The following DPP6 variants were observed in gnomAD, a reference collection of about 807,000 sequenced individuals.
DPP6 encodes the protein dipeptidyl peptidase like 6, also known as A-type potassium channel modulatory protein DPP6.
A neutral mutation model predicts 122.6 loss-of-function variants in DPP6; 69 were observed. The ratio of observed to expected loss-of-function variants is 0.56; its 90% CI spans 0.46 to 0.69. The LOEUF is 0.69. Ranked by LOEUF, DPP6 falls within the 30% of genes least tolerant of loss-of-function variation. The pLI is 0.00. For missense variants in DPP6, 928 were observed against 1,116.9 expected (o/e 0.83, Z 2.41); for synonymous variants, 418 against 433.1 (o/e 0.97, Z 0.43).
chr7:154,446,136 A>C, intron 1 of DPP6, 78 bp from the exon 2 acceptor site: 1 of 888,308 alleles, frequency 1.1e-6, no homozygotes, highest in Non-Finnish European at 1.7e-6. Flanking sequence ...TTCTTGATTT[A>C]AATGAAATAT....
At chr7:154,690,337 C>G (rs1839863335) in intron 7 of DPP6, among the ~76,000 whole-genome samples, 1 of 152,086 alleles carries the variant, frequency 6.6e-6, no homozygotes, top group Admixed American at 6.5e-5. Flanking sequence ...TCCCTTAGGA[C>G]CAGCAGAGAC....
intron 1 of DPP6, among the ~76,000 whole-genome samples, chr7:154,151,534 C>T (rs140258189): frequency 0.012 from 1,738 of 149,712 alleles, 1 homozygote; most frequent in African/African-American, 0.042. Flanking sequence ...GTAGCAGCGA[C>T]GGCTCTTGGT....
chr7:154,159,704 G>A (rs371899951), intron 1 of DPP6, among the ~76,000 whole-genome samples: 2 of 152,308 alleles, frequency 1.3e-5, no homozygotes, highest in East Asian at 3.8e-4. Flanking sequence ...AGCCCATGTG[G>A]CATAAAGAAT....
At chr7:154,616,593 A>T (rs1834275791) in intron 5 of DPP6, among the ~76,000 whole-genome samples, 2 of 152,194 alleles carry the variant, frequency 1.3e-5, no homozygotes, top group South Asian at 4.1e-4. Context: ...CTCGGGCGCG[A>T]GCGAATCCCC....
At chr7:154,055,643 G>A (rs530781391) in intron 1 of DPP6, 14 of 152,264 alleles carry the variant, frequency 9.2e-5, no homozygotes, top group African/African-American at 2.2e-4. Context: ...AAGACAAACC[G>A]AGGCTTTCCT....
chr7:153,875,500 C>G, the DPP6 span, among the ~76,000 whole-genome samples: 2 of 151,944 alleles, frequency 1.3e-5, no homozygotes, highest in East Asian at 1.9e-4. Context: ...CTATATAAAT[C>G]TTGATAAATA....
chr7:154,750,570 C>G (rs1171269719), intron 8 of DPP6, among the ~76,000 whole-genome samples: 2 of 152,204 alleles, frequency 1.3e-5, no homozygotes, highest in East Asian at 3.9e-4. Flanking sequence ...GGAGGGCGTC[C>G]CGCACCGGGC....
chr7:153,776,765 A>G, the DPP6 span, among the ~76,000 whole-genome samples: 1 of 152,224 alleles, frequency 6.6e-6, no homozygotes, highest in Admixed American at 6.5e-5. Context: ...ACCCATAGAA[A>G]TACTAATTAA....
intron 7 of DPP6, among the ~76,000 whole-genome samples, chr7:154,670,310 T>C (rs1838478180): frequency 6.6e-6 from 1 of 152,180 alleles, no homozygotes; most frequent in Non-Finnish European, 1.5e-5. Context: ...GCAAAACTGC[T>C]GGGTTTCTGT....
intron 1 of DPP6, among the ~76,000 whole-genome samples, chr7:154,232,695 A>G (rs529225740): frequency 1.3e-5 from 2 of 152,342 alleles, no homozygotes; most frequent in South Asian, 4.1e-4. Context: ...TTGTCCTGCC[A>G]GGCATTTAAT....
At chr7:154,378,830 T>C (rs868154757) in intron 1 of DPP6, among the ~76,000 whole-genome samples, 2 of 152,160 alleles carry the variant, frequency 1.3e-5, no homozygotes, top group Non-Finnish European at 2.9e-5. Context: ...ACCAGGCAAC[T>C]TCTTCGCAAG....
intron 1 of DPP6, among the ~76,000 whole-genome samples, chr7:154,076,269 G>A (rs991752834): frequency 2.0e-5 from 3 of 152,228 alleles, no homozygotes; most frequent in Admixed American, 1.3e-4. Context: ...CGCCAAAACG[G>A]TGAACCCCTG....
intron 3 of DPP6, among the ~76,000 whole-genome samples, chr7:154,530,565 A>G (rs1489072819): frequency 1.3e-5 from 2 of 152,224 alleles, no homozygotes; most frequent in African/African-American, 4.8e-5. Flanking sequence ...TAGTTCAACC[A>G]TTATGGAAGA....
chr7:154,695,335 A>G (rs149203862), intron 7 of DPP6, among the ~76,000 whole-genome samples: 31 of 152,304 alleles, frequency 2.0e-4, no homozygotes, highest in Middle Eastern at 3.4e-3. Flanking sequence ...ATGAGCCACT[A>G]TGTTTGCCCA....
intron 1 of DPP6, among the ~76,000 whole-genome samples, chr7:154,352,346 C>T (rs929757111): frequency 5.3e-5 from 8 of 151,750 alleles, no homozygotes; most frequent in African/African-American, 1.9e-4. Flanking sequence ...GCCTGTGGTC[C>T]CAGCTACTCA....
At position 154,755,626 on chromosome 7, in the gene DPP6, C is replaced by T. The variant is rs921068294; in HGVS notation, c.884-13791C>T. 6.6e-6 allele frequency among the ~76,000 whole-genome samples: 1 copy of T among 152,184 alleles called. No homozygotes were observed. Among genetic ancestry groups the T allele is most frequent in the Non-Finnish European group, 1.5e-5 (1 of 68,042 alleles). ...GTGCTCACCGACTGCTGGGTGTGGC[C>T]ATCACCATCACCACCCTTCTAAGAG... is the stretch of plus-strand genomic sequence containing the variant. On this transcript the variant is annotated intron_variant, in intron 8 of 25. Transcript: ENST00000377770. This position sits in a 1 kb window ranked among gnomAD's most constrained non-coding sequence, Gnocchi z 4.7.
At chr7:154,825,894 A>G (rs1451228544) in intron 16 of DPP6, among the ~76,000 whole-genome samples, 1 of 152,222 alleles carries the variant, frequency 6.6e-6, no homozygotes, top group East Asian at 1.9e-4. Context: ...TGTTGGTTTC[A>G]TGAGCACCAG....
In DPP6 at chr7:154,880,929, C is replaced by G. The variant is rs758261865; in HGVS notation, c.2120C>G (p.Ala707Gly). 5.0e-6 allele frequency: 8 copies of G among 1,613,940 alleles called. No homozygotes were observed. The highest frequency in any genetic ancestry group is 6.8e-6 in the Non-Finnish European group (8 of 1,179,878). Residue 707 changes from alanine to glycine, a missense_variant, in exon 21 of 26, where the codon GCC becomes GGC. Coordinates refer to ENST00000377770, the MANE Select transcript of DPP6 (RefSeq NM_130797.4). ...KEQYIDRTRV[A>G]VFGKDYGGYL... ...CAGTACATTGACAGGACGCGCGTGGCCGTGTTTGGGAAGGTGAGTCTGCGC... is the reference window on the plus strand; with the variant it reads ...CAGTACATTGACAGGACGCGCGTGGGCGTGTTTGGGAAGGTGAGTCTGCGC...
Position 154,495,400 on chromosome 7 carries a change from T to TTG in DPP6, c.457+20364_457+20365insGT, listed in dbSNP as rs1222762908. On this transcript the variant is annotated intron_variant, in intron 3 of 25. Transcript: ENST00000377770. The stretch of plus-strand genomic sequence containing the variant: ...GGGGGTTTGTTGTGGTTTTTTTTTT[T>TTG]TTGTTGTTGTTGTTGTTTGAGACAG... Among the ~76,000 whole-genome samples, 4 of 151,006 alleles carry TTG rather than the reference T, an allele frequency of 2.6e-5. 1 individual carries two copies. The highest frequency in any genetic ancestry group is 2.0e-4 in the Admixed American group (3 of 15,202).
Sources: gnomAD v4.1 joint callset for allele counts (sites outside exome capture counted in the v4.1 genomes callset) on GRCh38, gnomAD v4.1.1 for gene constraint, Gnocchi (gnomAD v3.1) non-coding constraint, MANE v1.5 for transcripts, NCBI Gene and HGNC (gene_info 2026-07-23, HGNC 2026-07-21) for gene names.